Variants in UNC5A observed in about 807,000 individuals in gnomAD.
The protein encoded by UNC5A is unc-5 netrin receptor A, also known as netrin receptor UNC5A.
Under a neutral mutation model 87.4 loss-of-function variants are expected in UNC5A, and 20 were observed. The ratio of observed to expected loss-of-function variants is 0.23; its 90% CI spans 0.16 to 0.33. The LOEUF is 0.33. Ranked by LOEUF, UNC5A falls within the 10% of genes least tolerant of loss-of-function variation. The probability of loss-of-function intolerance (pLI) is 1.00; values close to 1 mark genes in which losing one functional copy is unlikely to be tolerated. For synonymous variants in UNC5A, 438 were observed against 482.3 expected (o/e 0.91, Z 1.20); for missense variants, 844 against 1,133.4 (o/e 0.74, Z 3.67).
At chr5:176,811,068 C>T (rs1463726041) in intron 1 of UNC5A, among the ~76,000 whole-genome samples, 3 of 152,176 alleles carry the variant, frequency 2.0e-5, no homozygotes, top group African/African-American at 7.2e-5. Flanking sequence ...AGTGTAGACA[C>T]CCCACGCCTC....
chr5:176,830,840 ATGTG>A (rs1414525646), intron 1 of UNC5A, among the ~76,000 whole-genome samples: 2 of 64,474 alleles, frequency 3.1e-5, no homozygotes, highest in African/African-American at 1.2e-4. Flanking sequence ...ATGTGCTGGC[ATGTG>A]TGTGTGCTGG....
At chr5:176,854,968 G>T (rs1757631038) in intron 1 of UNC5A, among the ~76,000 whole-genome samples, 1 of 152,184 alleles carries the variant, frequency 6.6e-6, no homozygotes, top group African/African-American at 2.4e-5. Flanking sequence ...ATGAGTAGTG[G>T]TCACCCAGGC....
intron 1 of UNC5A, among the ~76,000 whole-genome samples, chr5:176,854,477 C>T (rs1046681246): frequency 9.2e-5 from 14 of 152,348 alleles, no homozygotes; most frequent in Non-Finnish European, 1.6e-4. Context: ...TCTGCAAGCC[C>T]GGCTGAGCCA....
intron 8 of UNC5A, 63 bp from the exon 9 acceptor site, chr5:176,877,129 G>C: frequency 1.5e-6 from 2 of 1,327,418 alleles, no homozygotes; most frequent in Non-Finnish European, 2.2e-6. Context: ...TGGAGGGGCT[G>C]TGTGGTGGGG....
At chr5:176,862,343 C>T (rs1757861209) in intron 1 of UNC5A, among the ~76,000 whole-genome samples, 1 of 152,236 alleles carries the variant, frequency 6.6e-6, no homozygotes, top group East Asian at 1.9e-4. Context: ...AAGGCAGTCG[C>T]CAGGCCACCT....
At chr5:176,879,542 G>C in intron 14 of UNC5A, 54 bp downstream of exon 14, 1 of 1,555,290 alleles carries the variant, frequency 6.4e-7, no homozygotes, top group Non-Finnish European at 8.7e-7. Flanking sequence ...AGTCCTGCCC[G>C]GCGGCGGGGT....
Position 176,824,017 on chromosome 5 carries a change from T to C in UNC5A, c.70+13197T>C, listed in dbSNP as rs192633264. On this transcript the variant is annotated intron_variant, in intron 1 of 14. Coordinates refer to ENST00000329542, the MANE Select transcript of UNC5A (RefSeq NM_133369.3). The surrounding 1 kb of genome is among the most constrained non-coding windows in gnomAD (Gnocchi z 4.2). ...CCAGCCTCTCCCTGGAGAAAGCACC[T>C]GTCCCAGCTGGCGAATGGTCCCGGA... 2.5e-4 allele frequency among the ~76,000 whole-genome samples: 38 copies of C among 152,324 alleles called. No homozygotes were observed. The highest frequency in any genetic ancestry group is 9.1e-4 in the African/African-American group (38 of 41,584).
intron 1 of UNC5A, among the ~76,000 whole-genome samples, chr5:176,832,494 T>A (rs1174612910): frequency 2.0e-5 from 3 of 152,104 alleles, no homozygotes; most frequent in Non-Finnish European, 2.9e-5. Flanking sequence ...ACTTTCCACA[T>A]CTGAAGGATG....
rs761073286 is a variant in UNC5A at position 176,824,393 on chromosome 5, C to T, written c.70+13573C>T. 2.0e-5 allele frequency among the ~76,000 whole-genome samples: 3 copies of T among 152,070 alleles called. No individual in the cohort carries two copies. The highest frequency in any genetic ancestry group is 7.2e-5 in the African/African-American group (3 of 41,404). ...CCTGGCCCTAGATCCACAAACTTCC[C>T]GCTTTAACGCCCGTGTGAGTTGGGT... On this transcript the variant is annotated intron_variant, in intron 1 of 14. Coordinates refer to ENST00000329542, the MANE Select transcript of UNC5A (RefSeq NM_133369.3). The surrounding 1 kb of genome is among the most constrained non-coding windows in gnomAD (Gnocchi z 4.2).
intron 1 of UNC5A, among the ~76,000 whole-genome samples, chr5:176,857,042 G>A (rs1757684170): frequency 6.6e-6 from 1 of 152,214 alleles, no homozygotes; most frequent in Non-Finnish European, 1.5e-5. Flanking sequence ...TCTGTAGCCT[G>A]GCCTTGGCAT....
At position 176,865,616 on chromosome 5, in the gene UNC5A, G is replaced by A. The variant is rs1343782370; in HGVS notation, c.293-2514G>A. 1 of 456,780 alleles carries A rather than the reference G, an allele frequency of 2.2e-6. No individual in the cohort carries two copies. The highest frequency in any genetic ancestry group is 6.9e-5 in the East Asian group (1 of 14,416). 28.3% of individuals were successfully genotyped at this position (456,780 alleles called of 1,614,324 possible). On this transcript the variant is annotated intron_variant, in intron 2 of 14. Transcript: ENST00000329542. This position sits in a 1 kb window ranked among gnomAD's most constrained non-coding sequence, Gnocchi z 5.3. Reference sequence around the variant, plus strand: ...TCAACCCAAAGCCATCGAGTGCTTTGAGGTGAAGAAAAAGGCTTTCCTTAC... The same window carrying A: ...TCAACCCAAAGCCATCGAGTGCTTTAAGGTGAAGAAAAAGGCTTTCCTTAC...
chr5:176,839,458 C>A (rs970643937), intron 1 of UNC5A, among the ~76,000 whole-genome samples: 4 of 152,228 alleles, frequency 2.6e-5, no homozygotes, highest in East Asian at 3.8e-4. Flanking sequence ...ACGTTGGCTT[C>A]GTGGGGTGGG....
At chr5:176,818,453 T>TA (rs1310069749) in intron 1 of UNC5A, among the ~76,000 whole-genome samples, 1 of 152,214 alleles carries the variant, frequency 6.6e-6, no homozygotes, top group Non-Finnish European at 1.5e-5. Context: ...TATAGACTGT[T>TA]ACGTTTTTTA....
chr5:176,877,858 G>T (rs565258212), intron 10 of UNC5A, 36 bp from the exon 11 acceptor site: 2 of 1,571,650 alleles, frequency 1.3e-6, no homozygotes, highest in East Asian at 4.6e-5. Context: ...GGGCTCTGAG[G>T]CTGGGCCGAA....
chr5:176,847,804 CAA>C (rs920172276), intron 1 of UNC5A, among the ~76,000 whole-genome samples: 15 of 152,156 alleles, frequency 9.9e-5, no homozygotes, highest in African/African-American at 3.6e-4. Flanking sequence ...AATCTTCACC[CAA>C]AGAGGCCCCT....
rs77128659 is a variant in UNC5A, at chr5:176,847,044, C to T, written c.71-15580C>T. Among the ~76,000 whole-genome samples the T allele has an allele frequency of 9.9e-3, 1,514 of 152,218 alleles. 31 individuals carry two copies. The highest frequency in any genetic ancestry group is 0.035 in the African/African-American group (1,440 of 41,544). On this transcript the variant is annotated intron_variant, in intron 1 of 14. Coordinates refer to ENST00000329542, the MANE Select transcript of UNC5A (RefSeq NM_133369.3). ...AGGAGAGAGCAGCACAGCCCCTTGC[C>T]GCCCTCCCATCCCCCTCTCATTCCA...
chr5:176,837,168 G>C (rs962674994), intron 1 of UNC5A, among the ~76,000 whole-genome samples: 3 of 152,012 alleles, frequency 2.0e-5, no homozygotes, highest in Non-Finnish European at 4.4e-5. Flanking sequence ...CCATGCTGTG[G>C]AGTTCCCCAG....
chr5:176,844,487 C>T lies in UNC5A; in HGVS notation c.71-18137C>T, dbSNP rs1043855815. On this transcript the variant is annotated intron_variant, in intron 1 of 14. Transcript: ENST00000329542. This position sits in a 1 kb window ranked among gnomAD's most constrained non-coding sequence, Gnocchi z 4.2. The stretch of plus-strand genomic sequence containing the variant: ...GGGACACGGGATGATATGAGCTGGC[C>T]GTGGGCGCCCACTGCATACAGCAGG... Among the ~76,000 whole-genome samples, 1 of 152,116 alleles carries T rather than the reference C, an allele frequency of 6.6e-6. No homozygotes were observed. The highest frequency in any genetic ancestry group is 1.5e-5 in the Non-Finnish European group (1 of 67,982).
intron 1 of UNC5A, among the ~76,000 whole-genome samples, chr5:176,840,044 A>G (rs563949088): frequency 6.6e-6 from 1 of 151,968 alleles, no homozygotes; most frequent in Admixed American, 6.6e-5. Context: ...TTTAGTAGAG[A>G]TGGAATTTCA....
Sources: gnomAD v4.1 joint callset for allele counts (sites outside exome capture counted in the v4.1 genomes callset) on GRCh38, gnomAD v4.1.1 for gene constraint, Gnocchi (gnomAD v3.1) non-coding constraint, MANE v1.5 for transcripts, NCBI Gene and HGNC (gene_info 2026-07-23, HGNC 2026-07-21) for gene names.